The following HYDIN variants were observed in gnomAD, a reference collection of about 807,000 sequenced individuals.
HYDIN encodes the protein axonemal central pair apparatus protein HYDIN.
HYDIN carries 132 observed loss-of-function variants against 403.9 expected under a neutral mutation model. The ratio of observed to expected loss-of-function variants is 0.33; its 90% CI spans 0.28 to 0.38. HYDIN has a LOEUF of 0.38. HYDIN is among the 10% of genes least tolerant of loss of function. The probability of loss-of-function intolerance (pLI) is 1.00; values close to 1 mark genes in which losing one functional copy is unlikely to be tolerated. For synonymous variants in HYDIN, 1,202 were observed against 1,891.7 expected, an observed-to-expected ratio of 0.64 and a Z score of 9.46; for missense variants, 2,827 against 5,009.5, an observed-to-expected ratio of 0.56 and a Z score of 13.15.
chr16:71,121,478 T>TGACCC (rs2084256141), intron 9 of HYDIN, among the ~76,000 whole-genome samples: 1 of 138,710 alleles, frequency 7.2e-6, no homozygotes, highest in Admixed American at 7.4e-5. Context: ...GTGGTGAAGG[T>TGACCC]CAGGGTCCAG....
intron 1 of HYDIN, among the ~76,000 whole-genome samples, chr16:71,229,256 G>A (rs373758074): frequency 6.6e-6 from 1 of 152,072 alleles, no homozygotes. Flanking sequence ...GTATACATAT[G>A]TAACAAACCT....
Position 70,832,713 on chromosome 16 carries a change from T to G in HYDIN, c.13899+135A>C, listed in dbSNP as rs944610603. 8.0e-6 allele frequency: 5 copies of G among 627,838 alleles called. No individual in the cohort carries two copies. In the African/African-American group the frequency reaches 9.2e-5, roughly 12 times the overall value. The allele number at this position is 627,838 out of a possible 1,614,324, so 38.9% of individuals were successfully genotyped here. ...CAAATGAAGAGGGGAGAATGAATAT[T>G]CCAGCAGTGGAAACGGTGTATTCAC... On this transcript the variant is annotated intron_variant, in intron 80 of 85. Coordinates refer to ENST00000393567, the MANE Select transcript of HYDIN (RefSeq NM_001270974.2).
At chr16:70,860,228 G>A (rs531627244) in intron 70 of HYDIN, 22 bp from the exon 71 acceptor site, 19 of 1,607,318 alleles carry the variant, frequency 1.2e-5, no homozygotes, top group Non-Finnish European at 1.5e-5. Context: ...GGAGAGAATT[G>A]ACAGAAGAGA....
intron 10 of HYDIN, among the ~76,000 whole-genome samples, chr16:71,110,371 A>G (rs1270714878): frequency 1.4e-5 from 2 of 139,444 alleles, no homozygotes; most frequent in East Asian, 4.1e-4. Context: ...ATTTATATAT[A>G]AAATAAAATA....
chr16:71,211,620 C>T (rs1338641302), intron 1 of HYDIN, among the ~76,000 whole-genome samples: 7 of 130,320 alleles, frequency 5.4e-5, no homozygotes, highest in South Asian at 2.5e-4. Flanking sequence ...CCAGCCTGGG[C>T]GACAGAGTGA....
intron 41 of HYDIN, among the ~76,000 whole-genome samples, chr16:70,946,963 T>G (rs1166996303): frequency 6.6e-6 from 1 of 152,178 alleles, no homozygotes; most frequent in African/African-American, 2.4e-5. Flanking sequence ...GTTTTCTAGA[T>G]ATACAATCAT....
At chr16:71,162,015 C>A (rs2086020251) in intron 6 of HYDIN, among the ~76,000 whole-genome samples, 1 of 74,240 alleles carries the variant, frequency 1.3e-5, no homozygotes, top group Non-Finnish European at 2.2e-5. Flanking sequence ...GTGGGTGGCC[C>A]CTAGAAACTG....
At chr16:71,187,434 A>AC (rs2087211169) in intron 1 of HYDIN, among the ~76,000 whole-genome samples, 1 of 152,148 alleles carries the variant, frequency 6.6e-6, no homozygotes, top group Admixed American at 6.6e-5. Context: ...GTGAATAGCC[A>AC]CCCAATATCT....
At position 71,019,542 on chromosome 16, in the gene HYDIN, C is replaced by T. The variant is rs1264768215; in HGVS notation, c.3330+632G>A. Among the ~76,000 whole-genome samples the T allele has an allele frequency of 2.0e-5, 3 of 152,306 alleles. No homozygotes were observed. In the South Asian group the frequency reaches 6.2e-4, roughly 31 times the overall value. On this transcript the variant is annotated intron_variant, in intron 22 of 85. Coordinates refer to ENST00000393567, the MANE Select transcript of HYDIN (RefSeq NM_001270974.2). ...GGGCTGGGCATAAGTTAGGACCCACCCTTGTAGATCATGGCATCTGTAGCA... is the reference window on the plus strand; with the variant it reads ...GGGCTGGGCATAAGTTAGGACCCACTCTTGTAGATCATGGCATCTGTAGCA...
intron 23 of HYDIN, among the ~76,000 whole-genome samples, chr16:71,011,652 G>C (rs2080088875): frequency 6.6e-6 from 1 of 152,120 alleles, no homozygotes; most frequent in East Asian, 1.9e-4. Context: ...TTGTGCCCAG[G>C]AGTTTAAGGG....
chr16:70,903,169 C>T (rs1241817407), intron 52 of HYDIN, among the ~76,000 whole-genome samples: 1 of 128,930 alleles, frequency 7.8e-6, no homozygotes, highest in East Asian at 2.1e-4. Context: ...TCCCAGAAGC[C>T]CCAGAAATAA....
chr16:70,929,107 T>C (rs1326950857), intron 45 of HYDIN, among the ~76,000 whole-genome samples: 2 of 151,052 alleles, frequency 1.3e-5, no homozygotes, highest in Admixed American at 6.6e-5. Flanking sequence ...CTGATCAACA[T>C]GGTGAAACCT....
intron 73 of HYDIN, among the ~76,000 whole-genome samples, chr16:70,854,127 G>A (rs1323505810): frequency 4.0e-5 from 6 of 151,852 alleles, no homozygotes; most frequent in African/African-American, 1.5e-4. Flanking sequence ...TGATCCACCC[G>A]CCTTGACCTC....
intron 16 of HYDIN, 184 bp from the exon 17 acceptor site, chr16:71,062,517 G>A (rs6499423): frequency 1.0e-4 from 56 of 543,286 alleles, no homozygotes; most frequent in Non-Finnish European, 1.4e-4. Context: ...TGGGATGTGC[G>A]TGAGGCCCAA....
At chr16:71,209,315 G>A (rs2088464421) in intron 1 of HYDIN, among the ~76,000 whole-genome samples, 1 of 151,556 alleles carries the variant, frequency 6.6e-6, no homozygotes, top group Non-Finnish European at 1.5e-5. Flanking sequence ...CTCAATAGAT[G>A]AAGAAAAGGC....
chr16:71,071,064 C>G (rs2082453398), intron 13 of HYDIN, among the ~76,000 whole-genome samples: 1 of 150,284 alleles, frequency 6.7e-6, no homozygotes, highest in Non-Finnish European at 1.5e-5. Flanking sequence ...CTGGACTTAC[C>G]AAATAATGAC....
intron 17 of HYDIN, 129 bp from the exon 18 acceptor site, chr16:71,060,785 T>C: frequency 4.0e-6 from 3 of 753,834 alleles, no homozygotes; most frequent in Admixed American, 2.4e-5. Context: ...CCCACTGGTG[T>C]GCTGTGGTCT....
chr16:71,157,825 G>C (rs571906297), intron 6 of HYDIN, among the ~76,000 whole-genome samples: 8 of 141,968 alleles, frequency 5.6e-5, no homozygotes, highest in Admixed American at 1.4e-4. Context: ...TCATAACAGC[G>C]GTAAGCTTTT....
At chr16:71,031,199 CAAAAAAAAAA>C (rs376968331) in intron 19 of HYDIN, among the ~76,000 whole-genome samples, 5 of 25,218 alleles carry the variant, frequency 2.0e-4, no homozygotes, top group African/African-American at 6.8e-4. Context: ...GACTCCATCT[CAAAAAAAAAA>C]AAAAAAAAAA....
Sources: allele counts gnomAD v4.1 joint callset (sites outside exome capture counted in the v4.1 genomes callset), GRCh38; gene constraint gnomAD v4.1.1; transcripts MANE v1.5; gene names NCBI Gene and HGNC (gene_info 2026-07-23, HGNC 2026-07-21).